RANBP2: variants seen among roughly 807,000 people sequenced by gnomAD.
RANBP2 encodes the protein E3 SUMO-protein ligase RanBP2.
In RANBP2, 57 loss-of-function variants were observed where a neutral mutation model predicts 303.6. That is an observed-to-expected ratio of 0.19 (90% CI 0.15 to 0.23). The LOEUF (loss-of-function observed/expected upper bound fraction) is 0.23. RANBP2 is among the 10% of genes least tolerant of loss of function. The pLI, the probability that RANBP2 is intolerant of heterozygous loss-of-function variation, is 1.00. For missense variants in RANBP2, 3,138 were observed against 3,780.8 expected (o/e 0.83, Z 4.46); for synonymous variants, 1,167 against 1,301.5 (o/e 0.90, Z 2.23).
the RANBP2 span, among the ~76,000 whole-genome samples, chr2:109,142,668 A>C: frequency 1.3e-5 from 2 of 152,138 alleles, no homozygotes. Context: ...TCCATCCTGG[A>C]GTCACCTGTG....
At chr2:108,758,291 C>G in intron 17 of RANBP2, 122 bp from the exon 18 acceptor site, 1 of 1,391,914 alleles carries the variant, frequency 7.2e-7, no homozygotes, top group East Asian at 2.5e-5. Flanking sequence ...ATCGAGACAC[C>G]ATCTCAAAAA....
the RANBP2 span, among the ~76,000 whole-genome samples, chr2:108,843,012 C>T: frequency 6.6e-6 from 1 of 152,258 alleles, no homozygotes; most frequent in Middle Eastern, 3.4e-3. Flanking sequence ...ATTTATAGAA[C>T]TCAAGAAGAG....
the RANBP2 span, among the ~76,000 whole-genome samples, chr2:109,425,375 CA>C: frequency 6.6e-6 from 1 of 152,148 alleles, no homozygotes; most frequent in Non-Finnish European, 1.5e-5. Flanking sequence ...CACTAAACAA[CA>C]GATTTTCAGT....
Position 108,758,494 on chromosome 2 carries a change from T to C in RANBP2, c.2548T>C (p.Ser850Pro). 1 of 1,611,486 alleles carries C rather than the reference T, an allele frequency of 6.2e-7. No individual in the cohort carries two copies. Among genetic ancestry groups the C allele is most frequent in the Non-Finnish European group, 8.5e-7 (1 of 1,179,778 alleles). Residue 850 changes from serine (S) to proline (P), a missense_variant, in exon 18 of 29, where the codon TCA becomes CCA. This residue lies in a region of RANBP2 where 26 missense variants were observed against 58.0 expected (regional missense o/e 0.45). Transcript: ENST00000283195. Reference protein sequence around the residue: ...RWPTENYGPDSVPDGYQGSQT... With the variant: ...RWPTENYGPDPVPDGYQGSQT... Reference sequence around the variant, plus strand: ...GCCCACAGAGAATTATGGACCAGACTCAGTGCCTGATGGATATCAGGGGTC... The same window carrying C: ...GCCCACAGAGAATTATGGACCAGACCCAGTGCCTGATGGATATCAGGGGTC...
the RANBP2 span, among the ~76,000 whole-genome samples, chr2:108,964,760 G>A: frequency 6.6e-6 from 1 of 152,192 alleles, no homozygotes; most frequent in Admixed American, 6.5e-5. Context: ...GTGACAGCAG[G>A]CAGCAGCCCT....
chr2:109,405,405 G>C, the RANBP2 span, among the ~76,000 whole-genome samples: 1 of 152,126 alleles, frequency 6.6e-6, no homozygotes, highest in Non-Finnish European at 1.5e-5. Flanking sequence ...CCCTTGGAAG[G>C]TTCTGGGGAG....
chr2:108,895,999 T>A, the RANBP2 span: 1 of 152,234 alleles, frequency 6.6e-6, no homozygotes, highest in Non-Finnish European at 1.5e-5. Flanking sequence ...CACATTATAA[T>A]TTAAATTGCT....
At chr2:109,349,275 C>G in the RANBP2 span, among the ~76,000 whole-genome samples, 2 of 152,202 alleles carry the variant, frequency 1.3e-5, no homozygotes, top group Non-Finnish European at 2.9e-5. Context: ...ATTGTTCAGC[C>G]TGACAATGAA....
chr2:109,228,752 C>G, the RANBP2 span, among the ~76,000 whole-genome samples: 11 of 152,142 alleles, frequency 7.2e-5, no homozygotes, highest in Non-Finnish European at 1.2e-4. Context: ...GTCCTGAGCA[C>G]AGGGGCTTCC....
chr2:109,139,142 A>G, the RANBP2 span, among the ~76,000 whole-genome samples: 83,845 of 152,002 alleles, frequency 0.55, 23,719 homozygotes, highest in South Asian at 0.65. Flanking sequence ...CTTTATAATC[A>G]TATCCCAAAT....
At chr2:108,814,122 G>A in the RANBP2 span, among the ~76,000 whole-genome samples, 2 of 151,988 alleles carry the variant, frequency 1.3e-5, no homozygotes, top group African/African-American at 2.4e-5. Context: ...ACAATTTCTG[G>A]GTCATAAGGT....
chr2:108,760,371 T>C lies in RANBP2; in HGVS notation c.2603-1730T>C, dbSNP rs180738615. Among the ~76,000 whole-genome samples the C allele has an allele frequency of 4.6e-5, 7 of 152,326 alleles. No homozygotes were observed. The East Asian group carries it at 1.3e-3, about 29-fold the overall frequency. On this transcript the variant is annotated intron_variant, in intron 18 of 28. Transcript: ENST00000283195. ...ATGTTACTTTAGTTCTGAGCATTTT[T>C]AAACTTAAATGTTTTTTGAACATTA...
chr2:109,097,990 GC>G, the RANBP2 span, among the ~76,000 whole-genome samples: 2 of 152,112 alleles, frequency 1.3e-5, no homozygotes, highest in Non-Finnish European at 2.9e-5. Context: ...GGACTGTGTT[GC>G]CCTTCCCCTG....
At position 108,783,711 on chromosome 2, in the gene RANBP2, A is replaced by G. The variant is rs141352150; in HGVS notation, c.9485A>G (p.Asn3162Ser). 2.4e-5 allele frequency: 38 copies of G among 1,611,894 alleles called. No homozygotes were observed. Among genetic ancestry groups the G allele is most frequent in the Admixed American group, 6.7e-5 (4 of 60,028 alleles). Reference protein sequence around the residue: ...HTGPGLLSMANQGQNTNNSQF... With the variant: ...HTGPGLLSMASQGQNTNNSQF... ...GGTCCTGGTTTACTATCCATGGCCAATCAAGGCCAGAATACCAATAATTCT... is the reference window on the plus strand; with the variant it reads ...GGTCCTGGTTTACTATCCATGGCCAGTCAAGGCCAGAATACCAATAATTCT... The change falls in exon 29 of 29, where the codon AAT (asparagine) becomes AGT (serine). Residue 3162 changes from asparagine to serine, a missense_variant. By Grantham distance (46) the Asn-to-Ser change is conservative (BLOSUM62 1). Coordinates refer to ENST00000283195, the MANE Select transcript of RANBP2 (RefSeq NM_006267.5).
At chr2:109,548,775 CAAAAAAAA>C in the RANBP2 span, among the ~76,000 whole-genome samples, 6 of 63,542 alleles carry the variant, frequency 9.4e-5, no homozygotes, top group African/African-American at 1.3e-4. Context: ...GGCTCCATCT[CAAAAAAAA>C]AAAAAAAAAA....
At chr2:109,502,349 G>A in the RANBP2 span, 4 of 152,216 alleles carry the variant, frequency 2.6e-5, no homozygotes, top group Admixed American at 2.6e-4. Flanking sequence ...ACATAAAGCT[G>A]TTAGACTTTA....
At chr2:109,078,758 A>G in the RANBP2 span, among the ~76,000 whole-genome samples, 2 of 139,032 alleles carry the variant, frequency 1.4e-5, no homozygotes, top group Non-Finnish European at 3.3e-5. Context: ...CAAGGCGGGC[A>G]GATCACGAGG....
the RANBP2 span, among the ~76,000 whole-genome samples, chr2:109,209,675 C>T: frequency 1.3e-5 from 2 of 152,094 alleles, no homozygotes; most frequent in African/African-American, 4.8e-5. Flanking sequence ...GCAAGCAGGA[C>T]CCATTTCTAA....
At chr2:108,773,796 G>A (rs1299334449) in intron 23 of RANBP2, among the ~76,000 whole-genome samples, 3 of 152,002 alleles carry the variant, frequency 2.0e-5, no homozygotes, top group East Asian at 1.9e-4. Flanking sequence ...ACAGGCATGC[G>A]CCACCACGCC....
Sources: gnomAD v4.1 joint callset for allele counts (sites outside exome capture counted in the v4.1 genomes callset) on GRCh38, gnomAD v4.1.1 for gene constraint, gnomAD v4.1.1 regional missense constraint, MANE v1.5 for transcripts, NCBI Gene and HGNC (gene_info 2026-07-23, HGNC 2026-07-21) for gene names.